KCNH1: variants seen among roughly 807,000 people sequenced by gnomAD.
KCNH1 encodes potassium voltage-gated channel subfamily H member 1, also known as voltage-gated delayed rectifier potassium channel KCNH1.
Under a neutral mutation model 69.2 loss-of-function variants are expected in KCNH1, and 27 were observed. The ratio of observed to expected loss-of-function variants is 0.39; its 90% CI spans 0.29 to 0.54. KCNH1 has a LOEUF of 0.54. KCNH1 is among the 20% of genes least tolerant of loss of function. The probability of loss-of-function intolerance (pLI) is 0.68; values close to 1 mark genes in which losing one functional copy is unlikely to be tolerated. For missense variants in KCNH1, 798 were observed against 1,261.6 expected (o/e 0.63, Z 5.57); for synonymous variants, 456 against 487.7 (o/e 0.93, Z 0.86).
chr1:210,971,596 A>G (rs2102367427), intron 6 of KCNH1, among the ~76,000 whole-genome samples: 1 of 152,304 alleles, frequency 6.6e-6, no homozygotes, highest in East Asian at 1.9e-4. Context: ...AAAATATTAC[A>G]CAATGTTGTG....
chr1:210,722,064 C>CCTT (rs1682481861), intron 10 of KCNH1, among the ~76,000 whole-genome samples: 1 of 152,182 alleles, frequency 6.6e-6, no homozygotes, highest in African/African-American at 2.4e-5. Flanking sequence ...CAGCCCCATA[C>CCTT]TGAAAGCAGG....
intron 10 of KCNH1, among the ~76,000 whole-genome samples, chr1:210,724,758 C>T (rs1682549273): frequency 6.6e-6 from 1 of 152,118 alleles, no homozygotes; most frequent in Non-Finnish European, 1.5e-5. Flanking sequence ...AATACCGACT[C>T]ACAAAGGGCA....
intron 7 of KCNH1, among the ~76,000 whole-genome samples, chr1:210,832,660 C>T (rs1685186908): frequency 6.6e-6 from 1 of 151,944 alleles, no homozygotes; most frequent in Non-Finnish European, 1.5e-5. Flanking sequence ...TCTAGGTAAA[C>T]ACCTTCTTTC....
Position 210,711,498 on chromosome 1 carries a change from T to C in KCNH1, c.2113-27360A>G, listed in dbSNP as rs148858570. On this transcript the variant is annotated intron_variant, in intron 10 of 10. Coordinates refer to ENST00000271751, the MANE Select transcript of KCNH1 (RefSeq NM_172362.3). ...TGCTCCTCAGAGATGCCAGCCTCTCTAGAGCCTCTGAGGTGTCTTACATGC... is the reference window on the plus strand; with the variant it reads ...TGCTCCTCAGAGATGCCAGCCTCTCCAGAGCCTCTGAGGTGTCTTACATGC... 5.1e-3 allele frequency among the ~76,000 whole-genome samples: 781 copies of C among 152,332 alleles called. 4 individuals carry two copies. Among genetic ancestry groups the C allele is most frequent in the African/African-American group, 0.018 (752 of 41,568 alleles).
chr1:211,085,935 C>T (rs760478013), intron 4 of KCNH1, among the ~76,000 whole-genome samples: 3 of 152,172 alleles, frequency 2.0e-5, no homozygotes, highest in South Asian at 2.1e-4. Flanking sequence ...GATTCATCAT[C>T]GTCCTTCAAG....
intron 10 of KCNH1, among the ~76,000 whole-genome samples, chr1:210,718,484 A>G (rs59541650): frequency 6.1e-5 from 4 of 65,980 alleles, no homozygotes; most frequent in South Asian, 4.6e-4. Flanking sequence ...TAAAATATAT[A>G]CATATATGTA....
chr1:210,942,372 C>T (rs1687891280), intron 6 of KCNH1, among the ~76,000 whole-genome samples: 4 of 152,070 alleles, frequency 2.6e-5, no homozygotes, highest in South Asian at 4.2e-4. Context: ...CCAACCTCTC[C>T]GAGCTTCACA....
At chr1:211,060,809 G>A (rs1690421717) in intron 5 of KCNH1, among the ~76,000 whole-genome samples, 2 of 152,192 alleles carry the variant, frequency 1.3e-5, no homozygotes, top group Admixed American at 1.3e-4. Flanking sequence ...TGAGATCAAA[G>A]CCATAATAAA....
intron 5 of KCNH1, among the ~76,000 whole-genome samples, chr1:211,034,528 G>A (rs1007287486): frequency 1.3e-5 from 2 of 152,130 alleles, no homozygotes; most frequent in Admixed American, 6.5e-5. Context: ...CAATATCCAG[G>A]TTGTGATATT....
chr1:211,120,780 AC>A (rs752179285), intron 1 of KCNH1, among the ~76,000 whole-genome samples: 4 of 152,158 alleles, frequency 2.6e-5, no homozygotes, highest in Non-Finnish European at 5.9e-5. Context: ...TGTTTAGAAA[AC>A]ACCATCATCT....
rs1008678992 is a variant in KCNH1 at position 210,757,121 on chromosome 1, C to T, written c.2112+18227G>A. On this transcript the variant is annotated intron_variant, in intron 10 of 10. Transcript: ENST00000271751. ...AGGAGTGCAGTCCTGGCCAATGGGC[C>T]CTTTGTAGCCCTGGGGGAGGCTGTC... 2.0e-5 allele frequency among the ~76,000 whole-genome samples: 3 copies of T among 152,126 alleles called. No homozygotes were observed. The East Asian group carries it at 5.8e-4, about 29-fold the overall frequency.
At chr1:211,025,754 A>T (rs1029724270) in intron 5 of KCNH1, among the ~76,000 whole-genome samples, 1 of 152,090 alleles carries the variant, frequency 6.6e-6, no homozygotes, top group Non-Finnish European at 1.5e-5. Flanking sequence ...TCAGGGCATA[A>T]AACCTCTCCT....
chr1:210,992,436 C>T (rs1688954155), intron 6 of KCNH1, among the ~76,000 whole-genome samples: 1 of 152,202 alleles, frequency 6.6e-6, no homozygotes, highest in African/African-American at 2.4e-5. Context: ...AGGCGCTAAA[C>T]AGAGCACTCA....
Position 210,700,707 on chromosome 1 carries a change from C to T in KCNH1, c.2113-16569G>A, listed in dbSNP as rs954943335. ...GCTGCTCAATTCTGCCACGATAGCA[C>T]AAAAACAGACAAAATGTAAACAAAT... On this transcript the variant is annotated intron_variant, in intron 10 of 10. Coordinates refer to ENST00000271751, the MANE Select transcript of KCNH1 (RefSeq NM_172362.3). 2.6e-5 allele frequency among the ~76,000 whole-genome samples: 4 copies of T among 152,202 alleles called. No individual in the cohort carries two copies. The East Asian group carries it at 7.7e-4, about 29-fold the overall frequency.
At chr1:210,763,649 C>T (rs1683564668) in intron 10 of KCNH1, among the ~76,000 whole-genome samples, 1 of 152,014 alleles carries the variant, frequency 6.6e-6, no homozygotes, top group Non-Finnish European at 1.5e-5. Flanking sequence ...CCTAGGAATA[C>T]ATCTAACCAA....
rs976906558 is a variant in KCNH1 at position 210,683,201 on chromosome 1, A to G, written c.*80T>C. The stretch of plus-strand genomic sequence containing the variant: ...AAAGCCTACTTGAAAATTGTTGGTC[A>G]TGTGGACATATGTGGTAGGGGTGGT... On this transcript the variant is annotated 3_prime_UTR_variant, in exon 11 of 11. Transcript: ENST00000271751. The surrounding 1 kb of genome is among the most constrained non-coding windows in gnomAD (Gnocchi z 5.7). 10 of 1,356,198 alleles carry G rather than the reference A, an allele frequency of 7.4e-6. No homozygotes were observed. The highest frequency in any genetic ancestry group is 1.0e-5 in the Non-Finnish European group (10 of 992,134). 84.0% of individuals were successfully genotyped at this position (1,356,198 alleles called of 1,614,324 possible). A position where few individuals can be genotyped will look rare whatever the true frequency, so the allele number is the denominator to read the frequency against.
At position 210,788,153 on chromosome 1, in the gene KCNH1, G is replaced by T. The variant is rs1398143387; in HGVS notation, c.1915+9355C>A. Among the ~76,000 whole-genome samples, 3 of 152,250 alleles carry T rather than the reference G, an allele frequency of 2.0e-5. No homozygotes were observed. In the East Asian group the frequency reaches 5.8e-4, roughly 29 times the overall value. On this transcript the variant is annotated intron_variant, in intron 9 of 10. Transcript: ENST00000271751. ...TTCCCCCTTCTGATTATTTATAAAA[G>T]AATATAAGTGCGTTAGAGAAAATAA... is the stretch of plus-strand genomic sequence containing the variant.
intron 9 of KCNH1, among the ~76,000 whole-genome samples, chr1:210,792,384 C>T (rs1206537157): frequency 6.6e-6 from 1 of 152,196 alleles, no homozygotes; most frequent in Non-Finnish European, 1.5e-5. Context: ...CTAACCTCTG[C>T]CTTCCTTTCA....
chr1:210,935,070 A>C (rs754380821), intron 6 of KCNH1, among the ~76,000 whole-genome samples: 2 of 151,576 alleles, frequency 1.3e-5, no homozygotes, highest in Non-Finnish European at 2.9e-5. Context: ...AATAGCTAAG[A>C]TATGGAATTT....
Sources: gnomAD v4.1 joint callset for allele counts (sites outside exome capture counted in the v4.1 genomes callset) on GRCh38, gnomAD v4.1.1 for gene constraint, Gnocchi (gnomAD v3.1) non-coding constraint, MANE v1.5 for transcripts, NCBI Gene and HGNC (gene_info 2026-07-23, HGNC 2026-07-21) for gene names.